RBM47: variants seen among roughly 807,000 people sequenced by gnomAD.
RBM47 encodes RNA-binding protein 47.
In RBM47, 21 loss-of-function variants were observed where a neutral mutation model predicts 47.1. The observed-to-expected ratio is 0.45, with a 90% CI of 0.32 to 0.64. The LOEUF is 0.64. Ranked by LOEUF, RBM47 falls within the 30% of genes least tolerant of loss-of-function variation. The pLI, the probability that RBM47 is intolerant of heterozygous loss-of-function variation, is 0.05. For missense variants in RBM47, 708 were observed against 870.9 expected (o/e 0.81, Z 2.35); for synonymous variants, 375 against 361.7 (o/e 1.04, Z -0.42).
intron 1 of RBM47, among the ~76,000 whole-genome samples, chr4:40,621,786 A>G (rs1345661131): frequency 1.3e-5 from 2 of 152,238 alleles, no homozygotes; most frequent in African/African-American, 4.8e-5. Flanking sequence ...AAAGATTGCC[A>G]AAGAGGAGGC....
At chr4:40,441,506 A>G (rs925679360) in intron 3 of RBM47, among the ~76,000 whole-genome samples, 4 of 152,198 alleles carry the variant, frequency 2.6e-5, no homozygotes, top group African/African-American at 9.6e-5. Context: ...GACTATTTGC[A>G]TAAACACCCA....
rs115192472 is a variant in RBM47, at chr4:40,548,563, C to T, written c.-239-4057G>A. ...GGGAAACAGACATAGGGATGCTTGCCGGTCAAGGTCAGTCATCATGGCGTT... is the reference window on the plus strand; with the variant it reads ...GGGAAACAGACATAGGGATGCTTGCTGGTCAAGGTCAGTCATCATGGCGTT... On this transcript the variant is annotated intron_variant, in intron 1 of 6. Coordinates refer to ENST00000295971, the MANE Select transcript of RBM47 (RefSeq NM_001098634.2). Among the ~76,000 whole-genome samples, 685 of 152,308 alleles carry T rather than the reference C, an allele frequency of 4.5e-3. 9 individuals carry two copies. Among genetic ancestry groups the T allele is most frequent in the African/African-American group, 0.016 (657 of 41,566 alleles).
chr4:40,550,471 T>G (rs955325641), intron 1 of RBM47, among the ~76,000 whole-genome samples: 1 of 152,230 alleles, frequency 6.6e-6, no homozygotes, highest in African/African-American at 2.4e-5. Context: ...CATGCTGGAA[T>G]GTAGTGCTAT....
chr4:40,526,789 C>CTTTT (rs540484622), intron 2 of RBM47, among the ~76,000 whole-genome samples: 5 of 61,592 alleles, frequency 8.1e-5, no homozygotes, highest in South Asian at 7.2e-4. Context: ...CAGTTTGGTT[C>CTTTT]TTTTTTTTTT....
chr4:40,432,585 C>G, intron 6 of RBM47, 66 bp downstream of exon 6: 1 of 1,599,936 alleles, frequency 6.3e-7, no homozygotes, highest in Non-Finnish European at 8.5e-7. Context: ...GTGCTGAATA[C>G]TAAATGAATC....
chr4:40,622,366 G>A (rs1422252073), intron 1 of RBM47, among the ~76,000 whole-genome samples: 1 of 152,214 alleles, frequency 6.6e-6, no homozygotes, highest in Non-Finnish European at 1.5e-5. Context: ...TTCAGGCATC[G>A]GGGCAGCCAG....
chr4:40,491,302 C>A (rs1415842015), intron 2 of RBM47, among the ~76,000 whole-genome samples: 4 of 152,172 alleles, frequency 2.6e-5, no homozygotes, highest in African/African-American at 7.2e-5. Context: ...ACCCCTAATT[C>A]ATATCATATA....
chr4:40,499,949 A>C (rs1192959405), intron 2 of RBM47, among the ~76,000 whole-genome samples: 1 of 152,222 alleles, frequency 6.6e-6, no homozygotes, highest in Non-Finnish European at 1.5e-5. Flanking sequence ...TAAATCCCTA[A>C]AACACCTTTG....
At chr4:40,600,875 C>T (rs1735202745) in intron 1 of RBM47, among the ~76,000 whole-genome samples, 1 of 147,988 alleles carries the variant, frequency 6.8e-6, no homozygotes, top group South Asian at 2.1e-4. Flanking sequence ...ATCTCAGCTA[C>T]TCAGGAGGCT....
At chr4:40,562,970 G>A (rs1178148113) in intron 1 of RBM47, among the ~76,000 whole-genome samples, 3 of 152,160 alleles carry the variant, frequency 2.0e-5, no homozygotes, top group African/African-American at 4.8e-5. Context: ...GACAAAGCAG[G>A]GTAAACAGGC....
chr4:40,511,443 A>G (rs1724916555), intron 2 of RBM47, among the ~76,000 whole-genome samples: 2 of 152,228 alleles, frequency 1.3e-5, no homozygotes, highest in African/African-American at 4.8e-5. Context: ...TTACTCAATT[A>G]TATGCCTAAT....
intron 3 of RBM47, among the ~76,000 whole-genome samples, chr4:40,456,546 CTTT>C (rs772807820): frequency 1.7e-5 from 2 of 118,758 alleles, no homozygotes; most frequent in African/African-American, 3.1e-5. Context: ...GTCCCATTTT[CTTT>C]TTTTTTTTTC....
At chr4:40,568,984 AAGATAGATAGAT>A (rs60078594) in intron 1 of RBM47, among the ~76,000 whole-genome samples, 8,955 of 145,220 alleles carry the variant, frequency 0.062, 356 homozygotes, top group African/African-American at 0.073. Context: ...TCTGTCTCAA[AAGATAGATAGAT>A]AGATAGATAG....
Position 40,438,572 on chromosome 4 carries a change from C to G in RBM47, c.322G>C (p.Gly108Arg), listed in dbSNP as rs748051934. Reference sequence around the variant, plus strand: ...ACGAAGGCGTAGCCGCGGTTCTTGCCGTCAAAGTCCATCATGAGGCGCAGC... The same window carrying G: ...ACGAAGGCGTAGCCGCGGTTCTTGCGGTCAAAGTCCATCATGAGGCGCAGC... ...YELRLMMDFD[G>R]KNRGYAFVMY... is the part of the protein sequence containing the mutation. The change falls in exon 4 of 7, where the codon GGC (glycine) becomes CGC (arginine). Residue 108 changes from glycine to arginine, a missense_variant. Gly to Arg is a moderately radical substitution (Grantham distance 125). Coordinates refer to ENST00000295971, the MANE Select transcript of RBM47 (RefSeq NM_001098634.2). 1 of 1,613,952 alleles carries G rather than the reference C, an allele frequency of 6.2e-7. No homozygotes were observed. The highest frequency in any genetic ancestry group is 8.5e-7 in the Non-Finnish European group (1 of 1,179,980).
In RBM47 at chr4:40,437,850, G is replaced by C; in HGVS notation, c.1044C>G (p.Ser348=). 6.2e-7 allele frequency: 1 copy of C among 1,614,140 alleles called. No individual in the cohort carries two copies. The highest frequency in any genetic ancestry group is 8.5e-7 in the Non-Finnish European group (1 of 1,180,024). ...EAAQQPSYVY[S]CDPYTLAYYG... is the part of the protein sequence containing the mutation. ...AGTAGGCCAGTGTGTAGGGGTCGCA[G>C]GAGTACACGTAGCTGGGCTGCTGCG... The change falls in exon 4 of 7, where the codon TCC becomes TCG. Residue 348 remains serine (S), a synonymous_variant. Coordinates refer to ENST00000295971, the MANE Select transcript of RBM47 (RefSeq NM_001098634.2).
chr4:40,452,169 CAAA>C (rs746940543), intron 3 of RBM47, among the ~76,000 whole-genome samples: 2 of 107,840 alleles, frequency 1.9e-5, no homozygotes, highest in African/African-American at 3.5e-5. Context: ...GACTCCATCT[CAAA>C]AAAAAAAAAA....
Position 40,436,198 on chromosome 4 carries a change from A to AT in RBM47, c.1330+242_1330+243insA, listed in dbSNP as rs1712360482. 6.7e-5 allele frequency among the ~76,000 whole-genome samples: 3 copies of AT among 44,932 alleles called. No individual in the cohort carries two copies. The Admixed American group carries it at 7.8e-4, about 12-fold the overall frequency. 29.5% of individuals were successfully genotyped at this position (44,932 alleles called of 152,430 possible). ...AAAAAAAAAAAAAACAAACAAACAAACAAACAAAAAAAAACCTTACTCAGG... is the reference window on the plus strand; with the variant it reads ...AAAAAAAAAAAAAACAAACAAACAAATCAAACAAAAAAAAACCTTACTCAGG... On this transcript the variant is annotated intron_variant, in intron 5 of 6. Transcript: ENST00000295971.
At position 40,426,129 on chromosome 4, in the gene RBM47, A is replaced by C; in HGVS notation, c.1557T>G (p.Thr519=). The change falls in exon 7 of 7, where the codon ACT becomes ACG. Residue 519 remains threonine, a synonymous_variant. Coordinates refer to ENST00000295971, the MANE Select transcript of RBM47 (RefSeq NM_001098634.2). ...TPPPFQGRPI[T]PVYTVAPNVQ... ...CGTTTGGAGCCACCGTGTATACTGG[A>C]GTTATTGGGCGGCCCTGAGGAGAAG... 6.2e-7 allele frequency: 1 copy of C among 1,614,068 alleles called. No individual in the cohort carries two copies. The highest frequency in any genetic ancestry group is 8.5e-7 in the Non-Finnish European group (1 of 1,179,982).
intron 2 of RBM47, among the ~76,000 whole-genome samples, chr4:40,511,287 T>G (rs1338738055): frequency 6.6e-6 from 1 of 152,222 alleles, no homozygotes; most frequent in Non-Finnish European, 1.5e-5. Context: ...CTCTTAGGCA[T>G]TATGGCATGT....
Sources: allele counts gnomAD v4.1 joint callset (sites outside exome capture counted in the v4.1 genomes callset), GRCh38; gene constraint gnomAD v4.1.1; transcripts MANE v1.5; gene names NCBI Gene and HGNC (gene_info 2026-07-23, HGNC 2026-07-21).